The following PXYLP1 variants were observed in gnomAD, a reference collection of about 807,000 sequenced individuals.
PXYLP1 encodes the protein 2-phosphoxylose phosphatase 1, also known as acid phosphatase-like 2.
PXYLP1 carries 17 observed loss-of-function variants against 37.9 expected under a neutral mutation model. The ratio of observed to expected loss-of-function variants is 0.45; its 90% CI spans 0.31 to 0.67. PXYLP1 has a LOEUF of 0.67. Ranked by LOEUF, PXYLP1 falls within the 30% of genes least tolerant of loss-of-function variation. The probability of loss-of-function intolerance (pLI) is 0.07; values close to 1 mark genes in which losing one functional copy is unlikely to be tolerated. For synonymous variants in PXYLP1, 221 were observed against 232.2 expected (o/e 0.95, Z 0.44); for missense variants, 511 against 612.0 (o/e 0.84, Z 1.74).
intron 2 of PXYLP1, chr3:141,274,540 C>T (rs1467146457): frequency 9.0e-6 from 12 of 1,340,114 alleles, no homozygotes; most frequent in South Asian, 6.2e-5. Flanking sequence ...CAGACTGGTT[C>T]GGCAACCCTC....
Position 141,292,578 on chromosome 3 carries a change from G to A in PXYLP1, c.816G>A (p.Glu272=). Residue 272 remains glutamate (E), a synonymous_variant, in exon 6 of 6, where the codon GAG becomes GAA. Coordinates refer to ENST00000286353, the MANE Select transcript of PXYLP1 (RefSeq NM_001037172.3). This position sits in a 1 kb window ranked among gnomAD's most constrained non-coding sequence, Gnocchi z 4.3. Reference sequence around the variant, plus strand: ...TACGTTTGAAAAACAGCCAGCTGGAGAAGACCTACGGGGAGATGGCCAAGA... The same window carrying A: ...TACGTTTGAAAAACAGCCAGCTGGAAAAGACCTACGGGGAGATGGCCAAGA... ...YLLRLKNSQL[E]KTYGEMAKIV... is the part of the protein sequence containing the mutation. The A allele has an allele frequency of 6.2e-7, 1 of 1,614,136 alleles. No individual in the cohort carries two copies. The highest frequency in any genetic ancestry group is 1.3e-5 in the African/African-American group (1 of 75,052).
In PXYLP1 at chr3:141,293,882, T is replaced by G. The variant is rs971705354; in HGVS notation, c.*677T>G. 4.6e-5 allele frequency: 7 copies of G among 152,256 alleles called. No homozygotes were observed. The highest frequency in any genetic ancestry group is 1.7e-4 in the African/African-American group (7 of 41,466). The allele number at this position is 152,256 out of a possible 1,614,324, so 9.4% of individuals were successfully genotyped here. Reference sequence around the variant, plus strand: ...TCTAAAAAATAGGCTATACTACAATTGCACTTCCAGCACTTTGAGAACGAG... The same window carrying G: ...TCTAAAAAATAGGCTATACTACAATGGCACTTCCAGCACTTTGAGAACGAG... On this transcript the variant is annotated 3_prime_UTR_variant, in exon 6 of 6. Transcript: ENST00000286353.
intron 2 of PXYLP1, among the ~76,000 whole-genome samples, chr3:141,267,968 G>A (rs2148779749): frequency 6.6e-6 from 1 of 151,718 alleles, no homozygotes; most frequent in South Asian, 2.1e-4. Flanking sequence ...TCAATAATTA[G>A]ATGAGGGGAT....
At chr3:141,275,978 T>C (rs1445551800) in intron 2 of PXYLP1, among the ~76,000 whole-genome samples, 1 of 152,260 alleles carries the variant, frequency 6.6e-6, no homozygotes, top group Non-Finnish European at 1.5e-5. Flanking sequence ...ACCATATTTT[T>C]ACTGTATTCT....
chr3:141,259,778 T>A (rs1576587178), intron 1 of PXYLP1, among the ~76,000 whole-genome samples: 1 of 152,356 alleles, frequency 6.6e-6, no homozygotes, highest in East Asian at 1.9e-4. Flanking sequence ...GTGTGAAGAT[T>A]TCCCTTATTG....
At chr3:141,288,332 A>G (rs1359828327) in intron 5 of PXYLP1, among the ~76,000 whole-genome samples, 1 of 152,192 alleles carries the variant, frequency 6.6e-6, no homozygotes, top group Non-Finnish European at 1.5e-5. Context: ...TTCAGCAGGG[A>G]TGGAGGGAAG....
At position 141,232,665 on chromosome 3, in the gene PXYLP1, T is replaced by TCA. The variant is rs112019608; in HGVS notation, c.-54+769_-54+770dup. Among the ~76,000 whole-genome samples the TCA allele has an allele frequency of 5.2e-3, 789 of 151,468 alleles. 7 individuals are homozygous for TCA. Among genetic ancestry groups the TCA allele is most frequent in the African/African-American group, 0.015 (600 of 41,314 alleles). On this transcript the variant is annotated intron_variant, in intron 1 of 5. Transcript: ENST00000286353. ...TGATCTTTTAAATAAGCTGGGTTTGTCACACACACACACACAGAGAGAGAG... is the reference window on the plus strand; with the variant it reads ...TGATCTTTTAAATAAGCTGGGTTTGTCACACACACACACACACAGAGAGAGAG...
intron 1 of PXYLP1, among the ~76,000 whole-genome samples, chr3:141,245,920 C>A (rs1339447703): frequency 1.3e-5 from 2 of 152,192 alleles, no homozygotes; most frequent in Non-Finnish European, 2.9e-5. Flanking sequence ...ATGATGTTTT[C>A]AGAGCATTTA....
At chr3:141,291,773 G>T (rs907552645) in intron 5 of PXYLP1, 1 of 158,128 alleles carries the variant, frequency 6.3e-6, no homozygotes, top group South Asian at 1.9e-4. Flanking sequence ...GGGAGGATGG[G>T]GTCAAGGAGG....
At chr3:141,268,861 G>A (rs755515664) in intron 2 of PXYLP1, among the ~76,000 whole-genome samples, 1 of 152,236 alleles carries the variant, frequency 6.6e-6, no homozygotes, top group Non-Finnish European at 1.5e-5. Flanking sequence ...TGGCTGGGAT[G>A]CATGGCCCCT....
chr3:141,286,235 A>G (rs990212184), intron 4 of PXYLP1, among the ~76,000 whole-genome samples: 3 of 152,206 alleles, frequency 2.0e-5, no homozygotes, highest in Non-Finnish European at 4.4e-5. Flanking sequence ...ATTCAGGGTA[A>G]TTGTATATTA....
At chr3:141,266,320 C>T (rs1008346614) in intron 2 of PXYLP1, among the ~76,000 whole-genome samples, 22 of 152,182 alleles carry the variant, frequency 1.4e-4, no homozygotes, top group South Asian at 8.3e-4. Flanking sequence ...TTACGGGGAC[C>T]GCTGGCAGGA....
chr3:141,255,513 C>T (rs957570973), intron 1 of PXYLP1, among the ~76,000 whole-genome samples: 109 of 152,340 alleles, frequency 7.2e-4, no homozygotes, highest in African/African-American at 2.5e-3. Context: ...TCCCATAGCA[C>T]CTCACCCTGC....
chr3:141,273,317 C>A lies in PXYLP1; in HGVS notation c.80-5025C>A, dbSNP rs1161510051. 6 of 985,384 alleles carry A rather than the reference C, an allele frequency of 6.1e-6. No homozygotes were observed. In the African/African-American group the frequency reaches 8.7e-5, roughly 14 times the overall value. The allele number at this position is 985,384 out of a possible 1,614,324, so 61.0% of individuals were successfully genotyped here. ...AGGTCCGGGCTTACAGGCTTCAGGA[C>A]CTTAGGTAACTCCCTTGACCTGCCT... On this transcript the variant is annotated intron_variant, in intron 2 of 5. Coordinates refer to ENST00000286353, the MANE Select transcript of PXYLP1 (RefSeq NM_001037172.3).
intron 5 of PXYLP1, chr3:141,291,571 T>A (rs1576610103): frequency 6.6e-6 from 1 of 152,344 alleles, no homozygotes; most frequent in African/African-American, 2.4e-5. Flanking sequence ...TATTTTTCCC[T>A]CTCTTTCTTT....
rs572848335 is a variant in PXYLP1, at chr3:141,259,178, C to G, written c.-53-945C>G. On this transcript the variant is annotated intron_variant, in intron 1 of 5. Transcript: ENST00000286353. Reference sequence around the variant, plus strand: ...CAGCCCTCACACATTAGCAGATGAGCTTTTATCTGATTTTGTCTGTCTGAT... The same window carrying G: ...CAGCCCTCACACATTAGCAGATGAGGTTTTATCTGATTTTGTCTGTCTGAT... 3.1e-4 allele frequency among the ~76,000 whole-genome samples: 47 copies of G among 152,246 alleles called. 1 individual carries two copies. Among genetic ancestry groups the G allele is most frequent in the Admixed American group, 2.6e-3 (39 of 15,292 alleles).
At chr3:141,241,894 G>A (rs6439990) in intron 1 of PXYLP1, among the ~76,000 whole-genome samples, 127,942 of 152,196 alleles carry the variant, frequency 0.84, 54,340 homozygotes, top group African/African-American at 0.96. Context: ...CACTTGTGCC[G>A]TCACGTCTTG....
In PXYLP1 at chr3:141,293,936, C is replaced by T. The variant is rs1440612034; in HGVS notation, c.*731C>T. On this transcript the variant is annotated 3_prime_UTR_variant, in exon 6 of 6. Transcript: ENST00000286353. ...AATACCAAGAATTATTCAATGGTTCCTCCAGTAACTTCTGCTAGAAACACA... is the reference window on the plus strand; with the variant it reads ...AATACCAAGAATTATTCAATGGTTCTTCCAGTAACTTCTGCTAGAAACACA... 1.3e-5 allele frequency: 2 copies of T among 152,182 alleles called. No homozygotes were observed. The highest frequency in any genetic ancestry group is 2.9e-5 in the Non-Finnish European group (2 of 68,040). The allele number at this position is 152,182 out of a possible 1,614,324, so 9.4% of individuals were successfully genotyped here.
At chr3:141,273,880 G>A (rs745486546) in intron 2 of PXYLP1, 12 of 985,112 alleles carry the variant, frequency 1.2e-5, no homozygotes, top group South Asian at 4.7e-5. Flanking sequence ...CCTGTTATTC[G>A]TGTTGGTCCT....
Sources: gnomAD v4.1 joint callset for allele counts (sites outside exome capture counted in the v4.1 genomes callset) on GRCh38, gnomAD v4.1.1 for gene constraint, Gnocchi (gnomAD v3.1) non-coding constraint, MANE v1.5 for transcripts, NCBI Gene and HGNC (gene_info 2026-07-23, HGNC 2026-07-21) for gene names.